INTS4: variants seen among roughly 807,000 people sequenced by gnomAD.
INTS4 encodes the protein MSTP093.
INTS4 carries 70 observed loss-of-function variants against 119.5 expected under a neutral mutation model. The ratio of observed to expected loss-of-function variants is 0.59; its 90% CI spans 0.48 to 0.71. The LOEUF (loss-of-function observed/expected upper bound fraction) is 0.71, where lower values mean the gene tolerates loss of function less well. Ranked by LOEUF, INTS4 falls within the 30% of genes least tolerant of loss-of-function variation. The pLI is 0.00. For missense variants in INTS4, 867 were observed against 1,173.2 expected, an observed-to-expected ratio of 0.74 and a Z score of 3.81; for synonymous variants, 316 against 419.6, an observed-to-expected ratio of 0.75 and a Z score of 3.02.
chr11:77,920,839 A>G (rs1187586795), intron 14 of INTS4, among the ~76,000 whole-genome samples: 3 of 151,816 alleles, frequency 2.0e-5, no homozygotes, highest in African/African-American at 7.2e-5. Context: ...GCGACAGAGC[A>G]AGACTCCGTC....
At chr11:77,973,057 G>T (rs1855795585) in intron 4 of INTS4, among the ~76,000 whole-genome samples, 2 of 151,930 alleles carry the variant, frequency 1.3e-5, no homozygotes, top group South Asian at 4.2e-4. Flanking sequence ...GCCCAGGCTG[G>T]TCTCCAGTTC....
At chr11:77,890,541 A>ATC (rs1952217240) in intron 21 of INTS4, among the ~76,000 whole-genome samples, 1 of 151,844 alleles carries the variant, frequency 6.6e-6, no homozygotes, top group South Asian at 2.1e-4. Context: ...GTGCTTTGAA[A>ATC]GGGTTTTTTA....
At chr11:77,956,637 G>A (rs1231924017) in intron 7 of INTS4, among the ~76,000 whole-genome samples, 1 of 151,350 alleles carries the variant, frequency 6.6e-6, no homozygotes, top group Non-Finnish European at 1.5e-5. Flanking sequence ...AACCTGGAAT[G>A]TGGAGGTTGC....
At chr11:77,902,932 A>G (rs1472664897) in intron 17 of INTS4, among the ~76,000 whole-genome samples, 4 of 152,246 alleles carry the variant, frequency 2.6e-5, no homozygotes, top group African/African-American at 4.8e-5. Flanking sequence ...CTACATTTTC[A>G]GATGAAAGAT....
At chr11:77,908,308 C>T (rs181241931) in intron 15 of INTS4, among the ~76,000 whole-genome samples, 2 of 149,826 alleles carry the variant, frequency 1.3e-5, no homozygotes, top group Non-Finnish European at 3.0e-5. Context: ...ATACACGCGT[C>T]ATGATGGTTT....
chr11:77,929,711 CTG>C (rs1377551853), intron 10 of INTS4, among the ~76,000 whole-genome samples: 1 of 152,106 alleles, frequency 6.6e-6, no homozygotes, highest in Non-Finnish European at 1.5e-5. Flanking sequence ...TCAGAGCAAA[CTG>C]TAGTGAATGA....
rs1591060618 is a variant in INTS4, at chr11:77,922,644, T to C, written c.1515-173A>G. ...CCCAGTTATTCTGGAACTCGGTTAA[T>C]TCATCTAAAAAAACTGGTTATTATA... On this transcript the variant is annotated intron_variant, in intron 12 of 22. Transcript: ENST00000534064. The C allele has an allele frequency of 7.2e-6, 7 of 976,182 alleles. No individual in the cohort carries two copies. In the East Asian group the frequency reaches 1.4e-4, roughly 19 times the overall value. The allele number at this position is 976,182 out of a possible 1,614,324, so 60.5% of individuals were successfully genotyped here. A position where few individuals can be genotyped will look rare whatever the true frequency, so the allele number is the denominator to read the frequency against.
At chr11:77,953,610 G>T (rs748535289) in intron 8 of INTS4, among the ~76,000 whole-genome samples, 5 of 151,360 alleles carry the variant, frequency 3.3e-5, no homozygotes, top group Non-Finnish European at 7.4e-5. Flanking sequence ...TTGAGACAGG[G>T]TCTCGCTCTT....
chr11:77,882,153 C>T (rs931238030), intron 22 of INTS4, among the ~76,000 whole-genome samples: 9 of 152,128 alleles, frequency 5.9e-5, no homozygotes, highest in Non-Finnish European at 1.3e-4. Flanking sequence ...TGGGCTCAAT[C>T]GATCCTCCCA....
chr11:77,922,583 T>C (rs1247621580), intron 12 of INTS4, 112 bp from the exon 13 acceptor site: 3 of 705,884 alleles, frequency 4.2e-6, no homozygotes, highest in Non-Finnish European at 2.4e-6. Context: ...TTCTCAACCA[T>C]ATACTTTTGC....
Position 77,891,724 on chromosome 11 carries a change from A to G in INTS4, c.2405T>C (p.Met802Thr), listed in dbSNP as rs376569083. 1.6e-5 allele frequency: 26 copies of G among 1,611,900 alleles called. No individual in the cohort carries two copies. In the African/African-American group the frequency reaches 3.5e-4, roughly 22 times the overall value. ...PAEVVKILQT[M>T]LRQSAFLHLP... The stretch of plus-strand genomic sequence containing the variant: ...ATGCAGAAAGGCACTCTGTCGCAGC[A>G]TGGTCTGTAGAATTTTGACCACTTC... Residue 802 changes from methionine to threonine, a missense_variant, in exon 20 of 23, where the codon ATG becomes ACG. By Grantham distance (81) the Met-to-Thr change is moderately conservative (BLOSUM62 -1). Around this residue, in one of 5 missense-constraint regions of INTS4, gnomAD observed 262 missense variants for 376.0 expected, o/e 0.70. Coordinates refer to ENST00000534064, the MANE Select transcript of INTS4 (RefSeq NM_033547.4).
chr11:77,876,842 G>A (rs1156293722), downstream of INTS4: 2 of 604,558 alleles, frequency 3.3e-6, no homozygotes, highest in African/African-American at 1.9e-5. Context: ...TTTTATAAAA[G>A]GGGTACTTAT....
intron 12 of INTS4, among the ~76,000 whole-genome samples, chr11:77,923,563 AT>A (rs1042106442): frequency 1.3e-5 from 2 of 152,056 alleles, no homozygotes; most frequent in Admixed American, 1.3e-4. Flanking sequence ...ATGCAAGTAA[AT>A]TTTTTCATCT....
chr11:77,984,068 C>T (rs971495046), intron 2 of INTS4, among the ~76,000 whole-genome samples: 1 of 152,112 alleles, frequency 6.6e-6, no homozygotes, highest in Non-Finnish European at 1.5e-5. Flanking sequence ...GAAGGAAATT[C>T]TGACATAGCC....
intron 3 of INTS4, among the ~76,000 whole-genome samples, chr11:77,979,451 G>A (rs998581498): frequency 2.0e-5 from 3 of 151,918 alleles, no homozygotes; most frequent in Admixed American, 6.6e-5. Flanking sequence ...CTCCAGCCTG[G>A]GCAACAGAGC....
At chr11:77,969,101 T>C (rs1214824115) in intron 4 of INTS4, among the ~76,000 whole-genome samples, 1 of 151,876 alleles carries the variant, frequency 6.6e-6, no homozygotes. Flanking sequence ...ACCCGGCTAA[T>C]TTTTGTATTT....
chr11:77,930,743 G>A (rs1953626272), intron 10 of INTS4, among the ~76,000 whole-genome samples: 1 of 152,118 alleles, frequency 6.6e-6, no homozygotes, highest in Admixed American at 6.5e-5. Context: ...ACTTTGAGAG[G>A]CCAAGGCAGG....
chr11:77,891,630 T>C (rs751903337), intron 20 of INTS4, 51 bp downstream of exon 20: 7 of 1,590,558 alleles, frequency 4.4e-6, no homozygotes, highest in Non-Finnish European at 6.0e-6. Context: ...AAGGTAAAGA[T>C]TTTTGACCGT....
Position 77,951,980 on chromosome 11 carries a change from G to T in INTS4, c.918+3962C>A, listed in dbSNP as rs2136557639. ...CATAATGAGATACCATCTCACACCA[G>T]TTAGAATGGCAATCATTAAAAAGTC... On this transcript the variant is annotated intron_variant, in intron 8 of 22. Transcript: ENST00000534064. 2.0e-5 allele frequency among the ~76,000 whole-genome samples: 3 copies of T among 152,292 alleles called. No individual in the cohort carries two copies. The South Asian group carries it at 6.2e-4, about 32-fold the overall frequency.
Sources: allele counts gnomAD v4.1 joint callset (sites outside exome capture counted in the v4.1 genomes callset), GRCh38; gene constraint gnomAD v4.1.1; regional missense constraint gnomAD v4.1.1; transcripts MANE v1.5; gene names NCBI Gene and HGNC (gene_info 2026-07-23, HGNC 2026-07-21).